Variants in OTUD7B observed in about 807,000 individuals in gnomAD.
OTUD7B encodes OTU domain-containing protein 7B.
In OTUD7B, 34 loss-of-function variants were observed where a neutral mutation model predicts 82.2. The observed-to-expected ratio is 0.41, with a 90% CI of 0.31 to 0.55. The LOEUF (loss-of-function observed/expected upper bound fraction) is 0.55, where lower values mean the gene tolerates loss of function less well. OTUD7B is among the 20% of genes least tolerant of loss of function. OTUD7B has a pLI of 0.20. For synonymous variants in OTUD7B, 398 were observed against 402.7 expected (o/e 0.99, Z 0.14); for missense variants, 944 against 1,062.1 (o/e 0.89, Z 1.55).
the OTUD7B span, chr1:150,054,643 A>C: frequency 5.9e-6 from 2 of 339,550 alleles, no homozygotes; most frequent in Non-Finnish European, 1.1e-5. Context: ...TCCTGTCTCT[A>C]CTAAAAATAC....
chr1:150,049,806 G>A, the OTUD7B span, among the ~76,000 whole-genome samples: 1 of 152,060 alleles, frequency 6.6e-6, no homozygotes, highest in Middle Eastern at 3.4e-3. Context: ...GGCTGGTCTT[G>A]AACTACTGGG....
chr1:150,000,941 T>C (rs369121014), intron 1 of OTUD7B, among the ~76,000 whole-genome samples: 23 of 152,216 alleles, frequency 1.5e-4, no homozygotes, highest in African/African-American at 5.5e-4. Flanking sequence ...ATCGTGCCAC[T>C]GCACTCCAGC....
the OTUD7B span, among the ~76,000 whole-genome samples, chr1:150,063,122 G>A: frequency 6.6e-6 from 1 of 152,064 alleles, no homozygotes; most frequent in African/African-American, 2.4e-5. Context: ...CAGTTACTCA[G>A]GTCTCTGAGT....
intron 1 of OTUD7B, among the ~76,000 whole-genome samples, chr1:149,983,939 T>C (rs1650961017): frequency 1.3e-5 from 2 of 152,212 alleles, no homozygotes; most frequent in African/African-American, 4.8e-5. Flanking sequence ...CCTAACAAAG[T>C]AAAACCAATA....
intron 1 of OTUD7B, among the ~76,000 whole-genome samples, chr1:150,007,163 TTC>T (rs1478381746): frequency 6.6e-6 from 1 of 152,214 alleles, no homozygotes; most frequent in African/African-American, 2.4e-5. Context: ...ATTCTATACT[TTC>T]TGTTTGGAAG....
At chr1:150,042,173 C>T in the OTUD7B span, among the ~76,000 whole-genome samples, 1 of 124,364 alleles carries the variant, frequency 8.0e-6, no homozygotes, top group Admixed American at 8.7e-5. Context: ...CTTCCTTCCT[C>T]CCTCCCTTCC....
chr1:149,963,007 T>A lies in OTUD7B; in HGVS notation c.732+1215A>T, dbSNP rs587608537. 288 of 152,322 alleles carry A rather than the reference T, an allele frequency of 1.9e-3. 2 individuals are homozygous for A. The highest frequency in any genetic ancestry group is 6.7e-3 in the African/African-American group (278 of 41,586). The allele number at this position is 152,322 out of a possible 1,614,324, so 9.4% of individuals were successfully genotyped here. On this transcript the variant is annotated intron_variant, in intron 6 of 11. Transcript: ENST00000581312. The stretch of plus-strand genomic sequence containing the variant: ...GAATCTTCTGGGGAAGACTGGCTGC[T>A]CAAGGAGAGGATTCTGATCTTAATA...
At chr1:149,955,755 G>T (rs1425757411) in intron 7 of OTUD7B, among the ~76,000 whole-genome samples, 5 of 152,034 alleles carry the variant, frequency 3.3e-5, no homozygotes, top group African/African-American at 9.7e-5. Flanking sequence ...ATTTAAGATA[G>T]CTCTTCCTGT....
chr1:150,010,912 A>T (rs1388264573), upstream of OTUD7B, among the ~76,000 whole-genome samples: 1 of 152,166 alleles, frequency 6.6e-6, no homozygotes, highest in Non-Finnish European at 1.5e-5. Context: ...TCCCGACCCG[A>T]GTCCCTAAAG....
rs1553777608 is a variant in OTUD7B at position 149,971,228 on chromosome 1, C to T, written c.109G>A (p.Ala37Thr). 10 of 1,610,412 alleles carry T rather than the reference C, an allele frequency of 6.2e-6. No individual in the cohort carries two copies. Among genetic ancestry groups the T allele is most frequent in the Non-Finnish European group, 6.8e-6 (8 of 1,177,238 alleles). ...CGTAGCTGTTCAAAATCACTGAGGG[C>T]GGCATTCACATCCCAATTCTTTCCT... is the stretch of plus-strand genomic sequence containing the variant. ...LEGKNWDVNA[A>T]LSDFEQLRQV... Residue 37 changes from alanine to threonine, a missense_variant, in exon 3 of 12, where the codon GCC (alanine) becomes ACC (threonine). Coordinates refer to ENST00000581312, the MANE Select transcript of OTUD7B (RefSeq NM_020205.4).
At chr1:150,023,210 C>T in the OTUD7B span, among the ~76,000 whole-genome samples, 10 of 152,278 alleles carry the variant, frequency 6.6e-5, no homozygotes, top group South Asian at 8.3e-4. Context: ...ATTTGTACAA[C>T]CATTTTGAAA....
upstream of OTUD7B, among the ~76,000 whole-genome samples, chr1:150,015,217 C>T (rs1300442464): frequency 1.3e-5 from 2 of 151,564 alleles, no homozygotes; most frequent in African/African-American, 4.8e-5. Flanking sequence ...CTGAGCCTCC[C>T]TAATCCCAGG....
At chr1:149,963,889 C>T (rs1336647037) in intron 6 of OTUD7B, 1 of 211,600 alleles carries the variant, frequency 4.7e-6, no homozygotes, top group Non-Finnish European at 9.5e-6. Context: ...AGCCTTATTA[C>T]AAGCAAAAAA....
At chr1:149,982,369 CCT>C (rs1184587005) in intron 1 of OTUD7B, among the ~76,000 whole-genome samples, 1 of 152,080 alleles carries the variant, frequency 6.6e-6, no homozygotes, top group Non-Finnish European at 1.5e-5. Flanking sequence ...CTGGAACTCC[CCT>C]GATTCTTGCC....
At chr1:149,985,710 T>C (rs1286740968) in intron 1 of OTUD7B, among the ~76,000 whole-genome samples, 5 of 150,474 alleles carry the variant, frequency 3.3e-5, no homozygotes, top group Non-Finnish European at 5.9e-5. Flanking sequence ...ATGGCACCAC[T>C]GCACTCAGCC....
the OTUD7B span, among the ~76,000 whole-genome samples, chr1:150,025,930 G>A: frequency 6.6e-6 from 1 of 152,240 alleles, no homozygotes; most frequent in African/African-American, 2.4e-5. Flanking sequence ...AGCTCTGATA[G>A]TCTGTTTGTC....
intron 7 of OTUD7B, among the ~76,000 whole-genome samples, chr1:149,957,309 C>G (rs1429867367): frequency 1.3e-5 from 2 of 151,644 alleles, no homozygotes; most frequent in Admixed American, 1.3e-4. Flanking sequence ...CACTCCAGAC[C>G]CTGTTTGCCT....
chr1:149,981,205 G>A (rs1650709499), intron 1 of OTUD7B, among the ~76,000 whole-genome samples: 1 of 152,056 alleles, frequency 6.6e-6, no homozygotes, highest in Non-Finnish European at 1.5e-5. Flanking sequence ...ACTGAATGGT[G>A]TAAAGACAGC....
At chr1:150,016,950 G>A in the OTUD7B span, among the ~76,000 whole-genome samples, 2 of 152,158 alleles carry the variant, frequency 1.3e-5, no homozygotes, top group Non-Finnish European at 2.9e-5. Flanking sequence ...TCTCTGGAGA[G>A]AGTTCAAGGC....
Sources: gnomAD v4.1 joint callset for allele counts (sites outside exome capture counted in the v4.1 genomes callset) on GRCh38, gnomAD v4.1.1 for gene constraint, MANE v1.5 for transcripts, NCBI Gene and HGNC (gene_info 2026-07-23, HGNC 2026-07-21) for gene names.